Variants in MTUS2 observed in about 807,000 individuals in gnomAD.
MTUS2 encodes the protein microtubule-associated tumor suppressor candidate 2.
A neutral mutation model predicts 114.1 loss-of-function variants in MTUS2; 40 were observed. That is an observed-to-expected ratio of 0.35 (90% CI 0.27 to 0.46). The LOEUF (loss-of-function observed/expected upper bound fraction) is 0.46. Ranked by LOEUF, MTUS2 falls within the 20% of genes least tolerant of loss-of-function variation. The pLI is 1.00. For missense variants in MTUS2, 1,679 were observed against 1,705.4 expected (o/e 0.98, Z 0.27); for synonymous variants, 688 against 672.0 (o/e 1.02, Z -0.37).
intron 4 of MTUS2, among the ~76,000 whole-genome samples, chr13:29,050,305 C>T (rs940350582): frequency 7.2e-5 from 11 of 152,144 alleles, no homozygotes; most frequent in Admixed American, 7.2e-4. Flanking sequence ...GGAACTCCCC[C>T]TTATGCAAGT....
intron 5 of MTUS2, among the ~76,000 whole-genome samples, chr13:29,254,752 A>G (rs763674910): frequency 1.3e-5 from 2 of 152,246 alleles, no homozygotes; most frequent in Non-Finnish European, 2.9e-5. Context: ...ATAGAGGAGC[A>G]CTTCACAGAA....
At chr13:29,008,078 T>A (rs180937226) in intron 2 of MTUS2, among the ~76,000 whole-genome samples, 9 of 152,330 alleles carry the variant, frequency 5.9e-5, no homozygotes, top group Non-Finnish European at 1.3e-4. Context: ...CTGGTATTGC[T>A]AATTGCTGCC....
chr13:29,378,456 C>G (rs1265024847), intron 8 of MTUS2, among the ~76,000 whole-genome samples: 1 of 151,978 alleles, frequency 6.6e-6, no homozygotes, highest in Non-Finnish European at 1.5e-5. Context: ...GTTTGCAGTG[C>G]TGATTTGAAG....
intron 5 of MTUS2, among the ~76,000 whole-genome samples, chr13:29,122,252 A>G (rs1233983876): frequency 6.6e-6 from 1 of 152,144 alleles, no homozygotes; most frequent in Non-Finnish European, 1.5e-5. Flanking sequence ...GTTGGTGGAA[A>G]TGATGCTGTA....
At chr13:29,305,402 TAAA>T (rs768897458) in intron 6 of MTUS2, among the ~76,000 whole-genome samples, 1 of 151,656 alleles carries the variant, frequency 6.6e-6, no homozygotes, top group Admixed American at 6.6e-5. Context: ...GCTAGACTAA[TAAA>T]GAAGAAAAGA....
At chr13:29,214,472 G>A (rs1381391842) in intron 5 of MTUS2, among the ~76,000 whole-genome samples, 1 of 152,090 alleles carries the variant, frequency 6.6e-6, no homozygotes, top group Non-Finnish European at 1.5e-5. Flanking sequence ...TTTACATTTT[G>A]GTATATTTTT....
At chr13:29,053,520 C>CTTTCCATAATCCCCTGAATTTCCCT in intron 4 of MTUS2, among the ~76,000 whole-genome samples, 1 of 152,284 alleles carries the variant, frequency 6.6e-6, no homozygotes, top group East Asian at 1.9e-4. Context: ...TTAATAAGAC[C>CTTTCCATAATCCCCTGAATTTCCCT]TTTCCATAAT....
chr13:29,024,772 A>G lies in MTUS2; in HGVS notation c.74A>G (p.Asn25Ser), dbSNP rs1886434612. 6.2e-7 allele frequency: 1 copy of G among 1,614,068 alleles called. No individual in the cohort carries two copies. The highest frequency in any genetic ancestry group is 1.1e-5 in the South Asian group (1 of 91,092). The change falls in exon 3 of 16, where the codon AAT (asparagine) becomes AGT (serine). Residue 25 changes from asparagine to serine, a missense_variant. Asn to Ser is a conservative substitution (Grantham distance 46). Around this residue, in one of 3 missense-constraint regions of MTUS2, gnomAD observed 843 missense variants for 770.8 expected, o/e 1.09. Transcript: ENST00000612955. ...GACAACAGAAATGCAGCAAGAAATA[A>G]TAATGAAAGCATCTTAAGTCTGGGA... ...LRDNRNAARN[N>S]NESILSLGDT... is the part of the protein sequence containing the mutation.
At chr13:29,502,721 TGC>T (rs1882988920) in intron 15 of MTUS2, among the ~76,000 whole-genome samples, 1 of 152,264 alleles carries the variant, frequency 6.6e-6, no homozygotes, top group African/African-American at 2.4e-5. Flanking sequence ...CGCTGGCCTT[TGC>T]TCTGTCCAGT....
intron 5 of MTUS2, among the ~76,000 whole-genome samples, chr13:29,103,197 T>C (rs9314934): frequency 0.67 from 102,245 of 152,124 alleles, 35,066 homozygotes; most frequent in Non-Finnish European, 0.74. Context: ...GATAAGAATC[T>C]ATAGTCACAC....
At chr13:29,201,644 G>T (rs1894963984) in intron 5 of MTUS2, among the ~76,000 whole-genome samples, 2 of 152,302 alleles carry the variant, frequency 1.3e-5, no homozygotes, top group South Asian at 4.1e-4. Flanking sequence ...GCTGGTAGTG[G>T]TTGTTCCTTT....
chr13:29,412,910 C>T (rs1412145222), intron 8 of MTUS2, among the ~76,000 whole-genome samples: 2 of 152,134 alleles, frequency 1.3e-5, no homozygotes, highest in Non-Finnish European at 2.9e-5. Flanking sequence ...ACTTTCTCGT[C>T]TTTACCAGCT....
chr13:29,490,984 G>C (rs200106284), intron 11 of MTUS2, among the ~76,000 whole-genome samples: 1 of 39,028 alleles, frequency 2.6e-5, no homozygotes, highest in East Asian at 1.3e-3. Flanking sequence ...TAGAAGTGTG[G>C]ATGTGTGTGT....
At chr13:29,124,830 AC>A (rs1400573937) in intron 5 of MTUS2, among the ~76,000 whole-genome samples, 3 of 152,248 alleles carry the variant, frequency 2.0e-5, no homozygotes, top group African/African-American at 7.2e-5. Context: ...TAAGCCAGAC[AC>A]AAAGGACAAA....
chr13:28,983,959 G>T (rs1348034145), intron 2 of MTUS2, among the ~76,000 whole-genome samples: 1 of 152,218 alleles, frequency 6.6e-6, no homozygotes, highest in East Asian at 1.9e-4. Context: ...CTTTGCTCTG[G>T]ATTCTCTGTC....
chr13:29,295,306 A>G (rs1410637332), intron 6 of MTUS2, among the ~76,000 whole-genome samples: 1 of 152,186 alleles, frequency 6.6e-6, no homozygotes, highest in Non-Finnish European at 1.5e-5. Flanking sequence ...CTATTTGAGA[A>G]TATCCAGAAA....
At position 29,085,501 on chromosome 13, in the gene MTUS2, A is replaced by G. The variant is rs139468580; in HGVS notation, c.2447-15272A>G. Among the ~76,000 whole-genome samples the G allele has an allele frequency of 2.3e-3, 352 of 152,186 alleles. 2 individuals are homozygous for G. The highest frequency in any genetic ancestry group is 8.3e-3 in the African/African-American group (345 of 41,504). ...CCACCTTTGTGTCCATATGTACTCAAAGTTTAGTTCCCATTTACAGATGAG... is the reference window on the plus strand; with the variant it reads ...CCACCTTTGTGTCCATATGTACTCAGAGTTTAGTTCCCATTTACAGATGAG... On this transcript the variant is annotated intron_variant, in intron 4 of 15. Coordinates refer to ENST00000612955, the MANE Select transcript of MTUS2 (RefSeq NM_001033602.4).
At chr13:29,036,550 A>G (rs530500276) in intron 4 of MTUS2, among the ~76,000 whole-genome samples, 2 of 152,270 alleles carry the variant, frequency 1.3e-5, no homozygotes, top group Admixed American at 1.3e-4. Flanking sequence ...CTGAGTTCAA[A>G]TCCTGAATAT....
rs577059670 is a variant in MTUS2, at chr13:29,339,073, G to T, written c.2905+14362G>T. ...GAAGGTGGCAGGGCCCTGACTCTAGGCTGGGCTGCAGGCTGGGTGTGCGCA... is the reference window on the plus strand; with the variant it reads ...GAAGGTGGCAGGGCCCTGACTCTAGTCTGGGCTGCAGGCTGGGTGTGCGCA... On this transcript the variant is annotated intron_variant, in intron 7 of 15. Coordinates refer to ENST00000612955, the MANE Select transcript of MTUS2 (RefSeq NM_001033602.4). Among the ~76,000 whole-genome samples, 269 of 152,288 alleles carry T rather than the reference G, an allele frequency of 1.8e-3. 1 individual carries two copies. Among genetic ancestry groups the T allele is most frequent in the Admixed American group, 2.3e-3 (35 of 15,302 alleles).
Sources: allele counts gnomAD v4.1 joint callset (sites outside exome capture counted in the v4.1 genomes callset), GRCh38; gene constraint gnomAD v4.1.1; regional missense constraint gnomAD v4.1.1; transcripts MANE v1.5; gene names NCBI Gene and HGNC (gene_info 2026-07-23, HGNC 2026-07-21).